RAB27B: variants seen among roughly 807,000 people sequenced by gnomAD.
The protein encoded by RAB27B is ras-related protein Rab-27B.
A neutral mutation model predicts 24.6 loss-of-function variants in RAB27B; 15 were observed. The ratio of observed to expected loss-of-function variants is 0.61; its 90% CI spans 0.41 to 0.94. The LOEUF is 0.94. Among genes scored for constraint, RAB27B ranks in the 40% least tolerant of loss-of-function variants. The probability of loss-of-function intolerance (pLI) is 0.00; values close to 1 mark genes in which losing one functional copy is unlikely to be tolerated. For missense variants in RAB27B, 261 were observed against 266.8 expected, an observed-to-expected ratio of 0.98 and a Z score of 0.15; for synonymous variants, 105 against 92.5, an observed-to-expected ratio of 1.14 and a Z score of -0.78.
intron 2 of RAB27B, among the ~76,000 whole-genome samples, chr18:54,752,414 A>G (rs1598879005): frequency 6.6e-6 from 1 of 152,174 alleles, no homozygotes; most frequent in Non-Finnish European, 1.5e-5. Context: ...AAAGTCCCCC[A>G]GGTGATTCTC....
intron 1 of RAB27B, among the ~76,000 whole-genome samples, chr18:54,855,803 A>G (rs766081988): frequency 7.2e-5 from 11 of 152,196 alleles, no homozygotes; most frequent in Non-Finnish European, 1.5e-4. Context: ...CTTTAGATTC[A>G]ACATACAAGG....
In RAB27B at chr18:54,806,394, TC is replaced by T. The variant is rs1377190708; in HGVS notation, c.-19-71172del. On this transcript the variant is annotated intron_variant, in intron 2 of 4. Transcript: ENST00000586570. ...TCGAGGAGCAGTCTCTCTTTTTATA[TC>T]TTTTCACTTTGATTTCAAGTATATG... Among the ~76,000 whole-genome samples the T allele has an allele frequency of 1.6e-4, 24 of 150,954 alleles. 1 individual carries two copies. The highest frequency in any genetic ancestry group is 6.9e-3 in the Middle Eastern group (2 of 288).
At chr18:54,846,347 A>T (rs907616927) in intron 1 of RAB27B, among the ~76,000 whole-genome samples, 4 of 152,252 alleles carry the variant, frequency 2.6e-5, no homozygotes, top group African/African-American at 9.6e-5. Context: ...CAGGAGCCTA[A>T]TCCCATTTCC....
chr18:54,760,113 C>T (rs537722570), intron 2 of RAB27B, among the ~76,000 whole-genome samples: 1 of 152,200 alleles, frequency 6.6e-6, no homozygotes, highest in African/African-American at 2.4e-5. Flanking sequence ...TTGTGGATAC[C>T]CCCCAGAAGC....
In RAB27B at chr18:54,893,962, C is replaced by T. The variant is rs921199130; in HGVS notation, c.*4549C>T. On this transcript the variant is annotated 3_prime_UTR_variant, in exon 6 of 6. Transcript: ENST00000262094. ...AGAGGTTTATGCCCTCAGAACTAAA[C>T]TAGTAAAAATATCTGAACAAAAAAC... is the stretch of plus-strand genomic sequence containing the variant. The T allele has an allele frequency of 1.3e-5, 2 of 151,710 alleles. No individual in the cohort carries two copies. The highest frequency in any genetic ancestry group is 4.8e-5 in the African/African-American group (2 of 41,360). 9.4% of individuals were successfully genotyped at this position (151,710 alleles called of 1,614,324 possible). A position where few individuals can be genotyped will look rare whatever the true frequency, so the allele number is the denominator to read the frequency against.
chr18:54,776,632 T>C lies in RAB27B; in HGVS notation c.-20+58491T>C, dbSNP rs184213065. Among the ~76,000 whole-genome samples the C allele has an allele frequency of 5.9e-5, 9 of 152,224 alleles. No homozygotes were observed. In the East Asian group the frequency reaches 1.7e-3, roughly 29 times the overall value. ...ATTTCTGTGTGGGCCATGTCAACAA[T>C]GTTCTGCAGTTGTTGGTTTGTGTGT... On this transcript the variant is annotated intron_variant, in intron 2 of 4. Coordinates refer to the RAB27B transcript ENST00000586570.
intron 2 of RAB27B, among the ~76,000 whole-genome samples, chr18:54,819,298 A>G (rs1010161433): frequency 1.2e-3 from 180 of 148,300 alleles, no homozygotes; most frequent in African/African-American, 4.2e-3. Context: ...TATTAGAAAT[A>G]TAATAAAAAA....
At position 54,895,423 on chromosome 18, in the gene RAB27B, T is replaced by C. The variant is rs1374650802; in HGVS notation, c.*6010T>C. On this transcript the variant is annotated 3_prime_UTR_variant, in exon 6 of 6. Coordinates refer to ENST00000262094, the MANE Select transcript of RAB27B (RefSeq NM_004163.4). ...TCAGAAATCATAGCATCCAATGATTTTTTGGTGTCTGGCTATGAATACTAT... is the reference window on the plus strand; with the variant it reads ...TCAGAAATCATAGCATCCAATGATTCTTTGGTGTCTGGCTATGAATACTAT... The C allele has an allele frequency of 2.6e-5, 4 of 152,126 alleles. No homozygotes were observed. The highest frequency in any genetic ancestry group is 9.7e-5 in the African/African-American group (4 of 41,440). The allele number at this position is 152,126 out of a possible 1,614,324, so 9.4% of individuals were successfully genotyped here. A position where few individuals can be genotyped will look rare whatever the true frequency, so the allele number is the denominator to read the frequency against.
chr18:54,743,427 G>A (rs1910132662), intron 2 of RAB27B, among the ~76,000 whole-genome samples: 1 of 152,172 alleles, frequency 6.6e-6, no homozygotes, highest in East Asian at 1.9e-4. Flanking sequence ...TAATATGTCA[G>A]ATGTGAATAA....
intron 1 of RAB27B, among the ~76,000 whole-genome samples, chr18:54,841,573 A>G (rs1911123409): frequency 6.6e-6 from 1 of 152,154 alleles, no homozygotes; most frequent in Admixed American, 6.5e-5. Context: ...TCTGCAGACT[A>G]AAGTATTAGT....
chr18:54,867,442 C>CTTTTCTTT (rs1555666326), intron 1 of RAB27B, among the ~76,000 whole-genome samples: 14 of 98,754 alleles, frequency 1.4e-4, no homozygotes, highest in Admixed American at 2.6e-4. Flanking sequence ...CTTTTCTTTT[C>CTTTTCTTT]TTTTTTTTTT....
chr18:54,836,640 A>C (rs1910905452), intron 1 of RAB27B, among the ~76,000 whole-genome samples: 1 of 152,022 alleles, frequency 6.6e-6, no homozygotes, highest in African/African-American at 2.4e-5. Context: ...TTTGCATTGC[A>C]ATATTTTATA....
At chr18:54,885,506 C>T (rs1913097642) in intron 4 of RAB27B, among the ~76,000 whole-genome samples, 1 of 152,256 alleles carries the variant, frequency 6.6e-6, no homozygotes, top group Admixed American at 6.5e-5. Context: ...TCTTGCCATT[C>T]CCTTTATCTT....
At chr18:54,843,885 C>T (rs1911215648) in intron 1 of RAB27B, among the ~76,000 whole-genome samples, 1 of 152,138 alleles carries the variant, frequency 6.6e-6, no homozygotes, top group Non-Finnish European at 1.5e-5. Context: ...GCAACGGTCC[C>T]TCCTACACTA....
At chr18:54,742,368 T>C (rs1910096612) in intron 2 of RAB27B, among the ~76,000 whole-genome samples, 1 of 152,196 alleles carries the variant, frequency 6.6e-6, no homozygotes, top group Non-Finnish European at 1.5e-5. Context: ...TCTGAGTTTA[T>C]AAGCATCCTA....
intron 1 of RAB27B, among the ~76,000 whole-genome samples, chr18:54,871,844 C>A: frequency 9.7e-6 from 1 of 103,442 alleles, no homozygotes; most frequent in Non-Finnish European, 1.9e-5. Flanking sequence ...AGCAAGACTC[C>A]ATCTCAAAAA....
At chr18:54,867,247 TATCTC>T (rs1323574182) in intron 1 of RAB27B, among the ~76,000 whole-genome samples, 1 of 152,130 alleles carries the variant, frequency 6.6e-6, no homozygotes, top group African/African-American at 2.4e-5. Context: ...TCTAAATTCT[TATCTC>T]TGACCACCAG....
chr18:54,807,650 A>G (rs1252052102), intron 2 of RAB27B, among the ~76,000 whole-genome samples: 1 of 152,160 alleles, frequency 6.6e-6, no homozygotes, highest in Non-Finnish European at 1.5e-5. Flanking sequence ...TGTGGTATTT[A>G]AGTACCATCT....
chr18:54,719,608 T>G (rs1465904515), intron 2 of RAB27B, among the ~76,000 whole-genome samples: 9 of 152,140 alleles, frequency 5.9e-5, no homozygotes. Context: ...CTGAAGGAAG[T>G]TAGGGAAATT....
Sources: gnomAD v4.1 joint callset for allele counts (sites outside exome capture counted in the v4.1 genomes callset) on GRCh38, gnomAD v4.1.1 for gene constraint, MANE v1.5 for transcripts, NCBI Gene and HGNC (gene_info 2026-07-23, HGNC 2026-07-21) for gene names.